FARS2: variants seen among roughly 807,000 people sequenced by gnomAD.
FARS2 encodes phenylalanyl-tRNA synthetase 2, mitochondrial, also known as phenylalanine--tRNA ligase, mitochondrial.
FARS2 carries 40 observed loss-of-function variants against 46.4 expected under a neutral mutation model. That is an observed-to-expected ratio of 0.86 (90% CI 0.67 to 1.12). FARS2 has a LOEUF of 1.12. Ranked by LOEUF, FARS2 falls within the 50% of genes most tolerant of loss-of-function variation. The probability of loss-of-function intolerance (pLI) is 0.00; values close to 1 mark genes in which losing one functional copy is unlikely to be tolerated. For synonymous variants in FARS2, 234 were observed against 214.9 expected (o/e 1.09, Z -0.78); for missense variants, 513 against 567.9 (o/e 0.90, Z 0.98).
intron 5 of FARS2, among the ~76,000 whole-genome samples, chr6:5,587,967 G>A (rs1317351228): frequency 1.3e-5 from 2 of 152,138 alleles, no homozygotes; most frequent in African/African-American, 4.8e-5. Flanking sequence ...CATATTTTAA[G>A]ATAGGTAAAA....
Position 5,765,910 on chromosome 6 carries a change from C to A in FARS2, c.1218-5381C>A, listed in dbSNP as rs888429523. Among the ~76,000 whole-genome samples the A allele has an allele frequency of 5.9e-5, 9 of 152,124 alleles. No homozygotes were observed. The highest frequency in any genetic ancestry group is 1.9e-4 in the African/African-American group (8 of 41,418). On this transcript the variant is annotated intron_variant, in intron 6 of 6. Coordinates refer to ENST00000274680, the MANE Select transcript of FARS2 (RefSeq NM_006567.5). The surrounding 1 kb of genome is among the most constrained non-coding windows in gnomAD (Gnocchi z 4.0). ...AAGGAATCTATGAATAAACTGGTGA[C>A]AATGGAAGCCCCAGAGGTTCAAACA...
chr6:5,395,293 C>T (rs1417366089), intron 2 of FARS2, among the ~76,000 whole-genome samples: 1 of 152,120 alleles, frequency 6.6e-6, no homozygotes, highest in Non-Finnish European at 1.5e-5. Flanking sequence ...TCAAGGAATC[C>T]ACCTGCCTCG....
intron 4 of FARS2, among the ~76,000 whole-genome samples, chr6:5,472,273 G>A (rs1765848824): frequency 6.6e-6 from 1 of 152,168 alleles, no homozygotes; most frequent in Non-Finnish European, 1.5e-5. Context: ...TGCTGTTAAT[G>A]ATTGAAAAAT....
At chr6:5,348,600 C>T (rs997476799) in intron 1 of FARS2, among the ~76,000 whole-genome samples, 42 of 110,268 alleles carry the variant, frequency 3.8e-4, no homozygotes, top group African/African-American at 1.3e-3. Flanking sequence ...TAAGGATAGA[C>T]ATTAAACAAA....
chr6:5,447,515 C>G (rs1764248976), intron 4 of FARS2, among the ~76,000 whole-genome samples: 1 of 152,192 alleles, frequency 6.6e-6, no homozygotes, highest in African/African-American at 2.4e-5. Flanking sequence ...TAACCTCTTC[C>G]TCATGGTGGA....
intron 3 of FARS2, among the ~76,000 whole-genome samples, chr6:5,405,480 C>CTGTTTTT (rs1761518496): frequency 1.7e-5 from 1 of 58,946 alleles, no homozygotes; most frequent in African/African-American, 6.5e-5. Flanking sequence ...GAGCAAGGTT[C>CTGTTTTT]TTTTTTTTTT....
chr6:5,381,329 C>T (rs1759762817), intron 2 of FARS2, among the ~76,000 whole-genome samples: 1 of 148,866 alleles, frequency 6.7e-6, no homozygotes, highest in Non-Finnish European at 1.5e-5. Context: ...CTTTTCTTTT[C>T]CTATTTGAGA....
intron 4 of FARS2, among the ~76,000 whole-genome samples, chr6:5,481,025 A>C (rs1766422515): frequency 6.6e-6 from 1 of 152,268 alleles, no homozygotes; most frequent in Non-Finnish European, 1.5e-5. Flanking sequence ...TCTTTAAAAC[A>C]GTCTTTGCAG....
intron 4 of FARS2, among the ~76,000 whole-genome samples, chr6:5,477,133 C>G (rs1766170157): frequency 6.6e-6 from 1 of 152,106 alleles, no homozygotes; most frequent in Non-Finnish European, 1.5e-5. Context: ...GGCCAGAGCC[C>G]CTGTTTTATG....
At chr6:5,659,597 A>G (rs1777757993) in intron 6 of FARS2, among the ~76,000 whole-genome samples, 1 of 152,290 alleles carries the variant, frequency 6.6e-6, no homozygotes, top group South Asian at 2.1e-4. Flanking sequence ...CTCTCCATGT[A>G]TCCATTCATT....
At chr6:5,666,942 A>G (rs1412326680) in intron 6 of FARS2, among the ~76,000 whole-genome samples, 1 of 152,210 alleles carries the variant, frequency 6.6e-6, no homozygotes, top group Non-Finnish European at 1.5e-5. Context: ...GCTGGAGGAC[A>G]TTATCCTTAG....
chr6:5,458,516 T>C (rs150588419), intron 4 of FARS2, among the ~76,000 whole-genome samples: 224 of 152,232 alleles, frequency 1.5e-3, no homozygotes, highest in Middle Eastern at 6.8e-3. Flanking sequence ...TAACTGCTAA[T>C]CATAGTGAAT....
intron 6 of FARS2, among the ~76,000 whole-genome samples, chr6:5,695,569 T>C (rs957786030): frequency 6.6e-6 from 1 of 152,230 alleles, no homozygotes; most frequent in African/African-American, 2.4e-5. Context: ...ACTTTTATTA[T>C]CCCAATTTTA....
chr6:5,369,881 G>GTT (rs11390645), intron 2 of FARS2, among the ~76,000 whole-genome samples: 126 of 144,314 alleles, frequency 8.7e-4, no homozygotes, highest in East Asian at 2.0e-3. Context: ...TTTTTTTGTT[G>GTT]TTTTTTTTTT....
At chr6:5,693,899 G>A (rs1408230070) in intron 6 of FARS2, among the ~76,000 whole-genome samples, 1 of 152,198 alleles carries the variant, frequency 6.6e-6, no homozygotes, top group African/African-American at 2.4e-5. Flanking sequence ...GCAGGTGGAA[G>A]CTCCGCTATC....
chr6:5,581,523 T>C (rs1222112129), intron 5 of FARS2, among the ~76,000 whole-genome samples: 2 of 152,204 alleles, frequency 1.3e-5, no homozygotes, highest in African/African-American at 4.8e-5. Context: ...CAGCCAGGTG[T>C]GTGCCAGTTG....
intron 5 of FARS2, among the ~76,000 whole-genome samples, chr6:5,590,556 A>G (rs1773858221): frequency 2.0e-5 from 3 of 152,220 alleles, no homozygotes; most frequent in Admixed American, 2.0e-4. Flanking sequence ...TGAGAAAAAT[A>G]TTCCCAGCAT....
intron 6 of FARS2, among the ~76,000 whole-genome samples, chr6:5,647,397 T>C (rs991618742): frequency 6.6e-6 from 1 of 152,168 alleles, no homozygotes. Flanking sequence ...AACTAGAATT[T>C]AACATAATCA....
intron 4 of FARS2, among the ~76,000 whole-genome samples, chr6:5,536,400 G>A (rs1461194401): frequency 6.6e-6 from 1 of 151,954 alleles, no homozygotes; most frequent in South Asian, 2.1e-4. Flanking sequence ...CATGTTATAA[G>A]TTCTGAAAAA....
Sources: allele counts gnomAD v4.1 joint callset (sites outside exome capture counted in the v4.1 genomes callset), GRCh38; gene constraint gnomAD v4.1.1; non-coding constraint Gnocchi (gnomAD v3.1); transcripts MANE v1.5; gene names NCBI Gene and HGNC (gene_info 2026-07-23, HGNC 2026-07-21).